Variants in LIPG observed in about 807,000 individuals in gnomAD.
The protein encoded by LIPG is lipase G, endothelial type.
LIPG carries 34 observed loss-of-function variants against 51.8 expected under a neutral mutation model. The observed-to-expected ratio is 0.66, with a 90% CI of 0.50 to 0.87. LIPG has a LOEUF of 0.87. Ranked by LOEUF, LIPG falls within the 40% of genes least tolerant of loss-of-function variation. LIPG has a pLI of 0.00. For missense variants in LIPG, 580 were observed against 652.7 expected, an observed-to-expected ratio of 0.89 and a Z score of 1.21; for synonymous variants, 246 against 246.1, an observed-to-expected ratio of 1.00 and a Z score of 0.00.
chr18:49,578,279 A>G (rs2084752208), intron 5 of LIPG, among the ~76,000 whole-genome samples: 1 of 141,606 alleles, frequency 7.1e-6, no homozygotes, highest in Admixed American at 6.9e-5. Context: ...GGTGGTTGCC[A>G]GGCAGAGGGT....
At chr18:49,579,768 C>CTT (rs1240573076) in intron 5 of LIPG, among the ~76,000 whole-genome samples, 1 of 48,716 alleles carries the variant, frequency 2.1e-5, no homozygotes, top group East Asian at 8.9e-4. Flanking sequence ...CCTTTCCTTT[C>CTT]TTTTCTTTTC....
At chr18:49,581,768 C>G in intron 6 of LIPG, 111 bp downstream of exon 6, 1 of 1,336,552 alleles carries the variant, frequency 7.5e-7, no homozygotes, top group African/African-American at 1.4e-5. Flanking sequence ...CCAGCACAAT[C>G]CAATCAAATC....
chr18:49,568,572 G>C (rs1355743971), intron 3 of LIPG, among the ~76,000 whole-genome samples: 1 of 151,460 alleles, frequency 6.6e-6, no homozygotes, highest in Non-Finnish European at 1.5e-5. Context: ...GTAGAGATGG[G>C]GTTTCACCAT....
rs983694139 is a variant in LIPG, at chr18:49,598,851, T to C, written c.*8329T>C. The C allele has an allele frequency of 6.6e-6, 1 of 152,258 alleles. No homozygotes were observed. The highest frequency in any genetic ancestry group is 1.5e-5 in the Non-Finnish European group (1 of 68,050). The allele number at this position is 152,258 out of a possible 1,614,324, so 9.4% of individuals were successfully genotyped here. ...TCTAGAATTTTGTATAAGTGGAGTG[T>C]ATCTACAGTATGTTCTCTTTTGTGT... On this transcript the variant is annotated 3_prime_UTR_variant, in exon 10 of 10. Coordinates refer to ENST00000261292, the MANE Select transcript of LIPG (RefSeq NM_006033.4).
intron 8 of LIPG, 27 bp from the exon 9 acceptor site, chr18:49,586,719 A>G (rs375524233): frequency 6.6e-7 from 1 of 1,514,354 alleles, no homozygotes; most frequent in East Asian, 2.3e-5. Flanking sequence ...AGTTCTGCCT[A>G]CATCAGTGGT....
rs1600575504 is a variant in LIPG at position 49,593,613 on chromosome 18, G to A, written c.*3091G>A. On this transcript the variant is annotated 3_prime_UTR_variant, in exon 10 of 10. Transcript: ENST00000261292. ...AGGTTCTATTCTACAGGCCAAGAGG[G>A]CTGCAGGTTCTTAGTTTTTCACTGT... 2.6e-5 allele frequency: 4 copies of A among 152,186 alleles called. 1 individual carries two copies. In the South Asian group the frequency reaches 8.3e-4, roughly 31 times the overall value. 9.4% of individuals were successfully genotyped at this position (152,186 alleles called of 1,614,324 possible). A position where few individuals can be genotyped will look rare whatever the true frequency, so the allele number is the denominator to read the frequency against.
In LIPG at chr18:49,596,630, T is replaced by G. The variant is rs1351445626; in HGVS notation, c.*6108T>G. The G allele has an allele frequency of 1.1e-5, 1 of 91,660 alleles. No individual in the cohort carries two copies. The highest frequency in any genetic ancestry group is 1.9e-5 in the Non-Finnish European group (1 of 51,334). The allele number at this position is 91,660 out of a possible 1,614,324, so 5.7% of individuals were successfully genotyped here. On this transcript the variant is annotated 3_prime_UTR_variant, in exon 10 of 10. Coordinates refer to ENST00000261292, the MANE Select transcript of LIPG (RefSeq NM_006033.4). ...AGCCTGGGCAACAAGAGCAAATCTC[T>G]ATCTCAAAAAAAAAAAAAAAAAAAA...
rs759351636 is a variant in LIPG at position 49,565,421 on chromosome 18, G to A, written c.202G>A (p.Val68Ile). The change falls in exon 2 of 10, where the codon GTC (valine) becomes ATC (isoleucine). Residue 68 changes from valine (V) to isoleucine (I), a missense_variant. Val to Ile is a conservative substitution (Grantham distance 29, BLOSUM62 3). Transcript: ENST00000261292. ...DPEHEGCYLSVGHSQPLEDCS... is the reference protein window; with the variant it reads ...DPEHEGCYLSIGHSQPLEDCS... ...AGAGCATGAAGGATGCTACCTCTCC[G>A]TCGGCCACAGCCAGCCCTTAGAAGA... is the stretch of plus-strand genomic sequence containing the variant. 1.9e-5 allele frequency: 30 copies of A among 1,614,078 alleles called. No homozygotes were observed. Among genetic ancestry groups the A allele is most frequent in the South Asian group, 1.8e-4 (16 of 91,094 alleles).
chr18:49,588,919 C>A (rs998144078), intron 9 of LIPG, among the ~76,000 whole-genome samples: 1 of 152,030 alleles, frequency 6.6e-6, no homozygotes. Flanking sequence ...CAGCCTGCAC[C>A]CAGGGACTTA....
At position 49,583,792 on chromosome 18, in the gene LIPG, C is replaced by T. The variant is rs368406414; in HGVS notation, c.1376+18C>T. ...CAGCGGAAGTAAGTGCCTCCTGCTC[C>T]TTCTTCTGCCTGGTGTAGGTGGGGA... On this transcript the variant is annotated intron_variant, in intron 8 of 9. Transcript: ENST00000261292. The T allele has an allele frequency of 8.1e-4, 1,297 of 1,593,440 alleles. 2 individuals are homozygous for T. Among genetic ancestry groups the T allele is most frequent in the Non-Finnish European group, 9.6e-4 (1,126 of 1,168,762 alleles).
upstream of LIPG, chr18:49,562,044 A>T: frequency 7.0e-7 from 1 of 1,438,478 alleles, no homozygotes; most frequent in African/African-American, 1.4e-5. Context: ...AACTACCTCT[A>T]TAGGAGCGTG....
At chr18:49,574,692 G>C (rs924264213) in intron 4 of LIPG, among the ~76,000 whole-genome samples, 1 of 152,126 alleles carries the variant, frequency 6.6e-6, no homozygotes, top group African/African-American at 2.4e-5. Flanking sequence ...GCTCTCAACA[G>C]TGCTGCTTGC....
intron 9 of LIPG, chr18:49,589,438 C>T (rs2084917720): frequency 6.6e-6 from 1 of 152,236 alleles, no homozygotes; most frequent in Admixed American, 6.5e-5. Context: ...AGATTGGACA[C>T]ACCCAGGAAA....
chr18:49,581,494 G>A lies in LIPG; in HGVS notation c.873G>A (p.Pro291=), dbSNP rs773296355. The A allele has an allele frequency of 2.8e-5, 45 of 1,614,066 alleles. No homozygotes were observed. The highest frequency in any genetic ancestry group is 8.9e-5 in the East Asian group (4 of 44,898). ...FVDSLVNQDK[P]SFAFQCTDSN... Reference sequence around the variant, plus strand: ...ACTCTCTGGTGAATCAGGACAAGCCGAGTTTTGCCTTCCAGTGCACTGACT... The same window carrying A: ...ACTCTCTGGTGAATCAGGACAAGCCAAGTTTTGCCTTCCAGTGCACTGACT... Residue 291 remains proline, a synonymous_variant, in exon 6 of 10, where the codon CCG becomes CCA. Coordinates refer to ENST00000261292, the MANE Select transcript of LIPG (RefSeq NM_006033.4).
In LIPG at chr18:49,579,817, T is replaced by TCTTTA. The variant is rs1206283004; in HGVS notation, c.794-1588_794-1584dup. On this transcript the variant is annotated intron_variant, in intron 5 of 9. Coordinates refer to ENST00000261292, the MANE Select transcript of LIPG (RefSeq NM_006033.4). ...TCTTTTCTTTTCTTTTCTTTTCTTT[T>TCTTTA]CTTTACTTTACTTTTGATGGAGTTT... 1.4e-3 allele frequency among the ~76,000 whole-genome samples: 192 copies of TCTTTA among 135,144 alleles called. 4 individuals are homozygous for TCTTTA. Among genetic ancestry groups the TCTTTA allele is most frequent in the African/African-American group, 3.2e-3 (110 of 34,536 alleles). 88.7% of individuals were successfully genotyped at this position (135,144 alleles called of 152,430 possible). A position where few individuals can be genotyped will look rare whatever the true frequency, so the allele number is the denominator to read the frequency against.
chr18:49,583,132 G>T (rs78129815), intron 7 of LIPG, among the ~76,000 whole-genome samples: 1 of 152,152 alleles, frequency 6.6e-6, no homozygotes, highest in Non-Finnish European at 1.5e-5. Flanking sequence ...GAGGTCTGTG[G>T]GGGGAGCTGG....
chr18:49,567,867 A>C, intron 3 of LIPG: 2 of 483,550 alleles, frequency 4.1e-6, no homozygotes, highest in Non-Finnish European at 3.7e-6. Context: ...AATTGGCCTT[A>C]TGGGTTGTTT....
intron 9 of LIPG, 39 bp downstream of exon 9, chr18:49,586,889 T>G (rs761162205): frequency 3.5e-6 from 5 of 1,418,090 alleles, no homozygotes; most frequent in Admixed American, 1.7e-5. Context: ...CCAGGACACG[T>G]TGACATGATG....
chr18:49,578,915 G>C (rs1330704890), intron 5 of LIPG, among the ~76,000 whole-genome samples: 3 of 146,648 alleles, frequency 2.0e-5, no homozygotes, highest in Admixed American at 2.0e-4. Context: ...GGCAGGCTGA[G>C]GCAGGAGAAT....
Sources: gnomAD v4.1 joint callset for allele counts (sites outside exome capture counted in the v4.1 genomes callset) on GRCh38, gnomAD v4.1.1 for gene constraint, MANE v1.5 for transcripts, NCBI Gene and HGNC (gene_info 2026-07-23, HGNC 2026-07-21) for gene names.